Variants in TG observed in about 807,000 individuals in gnomAD.
The protein encoded by TG is thyroglobulin, also known as thyroid hormones.
TG carries 270 observed loss-of-function variants against 324.7 expected under a neutral mutation model. The ratio of observed to expected loss-of-function variants is 0.83; its 90% CI spans 0.75 to 0.92. TG has a LOEUF of 0.92. Among genes scored for constraint, TG ranks in the 40% least tolerant of loss-of-function variants. The pLI is 0.00. For missense variants in TG, 3,591 were observed against 3,456.4 expected (o/e 1.04, Z -0.98); for synonymous variants, 1,401 against 1,327.0 (o/e 1.06, Z -1.21).
intron 46 of TG, among the ~76,000 whole-genome samples, chr8:133,132,603 G>A (rs968530211): frequency 6.6e-6 from 1 of 152,144 alleles, no homozygotes; most frequent in African/African-American, 2.4e-5. Context: ...CCTGATGTGA[G>A]TTGATTACCT....
In TG at chr8:132,882,845, A is replaced by G; in HGVS notation, c.921A>G (p.Thr307=). ...CAAAATGTGAAGTGGAGCGGTTTAC[A>G]GCAACCAGCTTTGGTCACCCCTATG... is the stretch of plus-strand genomic sequence containing the variant. The part of the protein sequence containing the change: ...CPTKCEVERF[T]ATSFGHPYVP... The change falls in exon 8 of 48, where the codon ACA becomes ACG. Residue 307 remains threonine, a synonymous_variant. Transcript: ENST00000220616. 2 of 1,614,192 alleles carry G rather than the reference A, an allele frequency of 1.2e-6. No homozygotes were observed. Among genetic ancestry groups the G allele is most frequent in the Non-Finnish European group, 1.7e-6 (2 of 1,180,028 alleles).
In TG at chr8:132,951,356, C is replaced by T. The variant is rs549143597; in HGVS notation, c.5401+2413C>T. Among the ~76,000 whole-genome samples the T allele has an allele frequency of 1.4e-4, 22 of 152,166 alleles. No individual in the cohort carries two copies. In the South Asian group the frequency reaches 3.5e-3, roughly 24 times the overall value. The stretch of plus-strand genomic sequence containing the variant: ...ATGAAGCACAAATAGTTTCTTTTGG[C>T]GTCAATAAAATCAAATCGCTTATTT... On this transcript the variant is annotated intron_variant, in intron 27 of 47. Coordinates refer to ENST00000220616, the MANE Select transcript of TG (RefSeq NM_003235.5).
At chr8:133,127,504 T>C (rs1254111880) in intron 45 of TG, among the ~76,000 whole-genome samples, 1 of 152,178 alleles carries the variant, frequency 6.6e-6, no homozygotes, top group African/African-American at 2.4e-5. Context: ...AGTTCTAGTC[T>C]TTCTTCCCAC....
chr8:133,092,673 C>T (rs1466271074), intron 41 of TG, among the ~76,000 whole-genome samples: 1 of 152,182 alleles, frequency 6.6e-6, no homozygotes, highest in African/African-American at 2.4e-5. Context: ...CAGGGAGTGA[C>T]ACAGCTGGGG....
intron 41 of TG, among the ~76,000 whole-genome samples, chr8:133,042,423 C>T (rs984706414): frequency 2.6e-5 from 4 of 152,164 alleles, no homozygotes; most frequent in African/African-American, 7.2e-5. Context: ...ATGCCCCATG[C>T]ACTCTGTTCT....
Position 132,897,724 on chromosome 8 carries a change from C to T in TG, c.3077C>T (p.Pro1026Leu), listed in dbSNP as rs1817322382. 1 of 1,614,244 alleles carries T rather than the reference C, an allele frequency of 6.2e-7. No individual in the cohort carries two copies. Among genetic ancestry groups the T allele is most frequent in the East Asian group, 2.2e-5 (1 of 44,880 alleles). ...GCATCCGCCCTTCTGCGGTCGGGCC[C>T]CTACATGCCACAGTGTGATGCGTTT... Reference protein sequence around the residue: ...AGASALLRSGPYMPQCDAFGS... With the variant: ...AGASALLRSGLYMPQCDAFGS... Residue 1026 changes from proline to leucine, a missense_variant, in exon 12 of 48, where the codon CCC becomes CTC. Coordinates refer to ENST00000220616, the MANE Select transcript of TG (RefSeq NM_003235.5).
chr8:133,001,251 C>T lies in TG; in HGVS notation c.6263-10650C>T, dbSNP rs138768799. On this transcript the variant is annotated intron_variant, in intron 35 of 47. Coordinates refer to ENST00000220616, the MANE Select transcript of TG (RefSeq NM_003235.5). ...GGGGGACACAGTTCAACCCATGACACCTACTGTCACCCCTCTGCTAAGCAC... is the reference window on the plus strand; with the variant it reads ...GGGGGACACAGTTCAACCCATGACATCTACTGTCACCCCTCTGCTAAGCAC... Among the ~76,000 whole-genome samples, 764 of 152,284 alleles carry T rather than the reference C, an allele frequency of 5.0e-3. 8 individuals carry two copies. Among genetic ancestry groups the T allele is most frequent in the African/African-American group, 0.017 (707 of 41,548 alleles).
At chr8:132,932,652 G>A (rs906027219) in intron 23 of TG, among the ~76,000 whole-genome samples, 3 of 152,154 alleles carry the variant, frequency 2.0e-5, no homozygotes, top group Non-Finnish European at 4.4e-5. Context: ...CGTTACTCAT[G>A]AATATTACAC....
At position 132,929,134 on chromosome 8, in the gene TG, T is replaced by A; in HGVS notation, c.4758T>A (p.Pro1586=). Residue 1586 remains proline (P), a synonymous_variant, in exon 23 of 48, where the codon CCT becomes CCA. Coordinates refer to ENST00000220616, the MANE Select transcript of TG (RefSeq NM_003235.5). ...AGGTGATCTTCGACGCCAATGCTCC[T>A]GTGGCTGTCAGATCCAAAGTTCCTG... ...ESKVIFDANA[P]VAVRSKVPDS... 1 of 1,614,182 alleles carries A rather than the reference T, an allele frequency of 6.2e-7. No homozygotes were observed. Among genetic ancestry groups the A allele is most frequent in the South Asian group, 1.1e-5 (1 of 91,092 alleles).
intron 35 of TG, among the ~76,000 whole-genome samples, chr8:133,009,810 T>A (rs1045213463): frequency 1.3e-5 from 2 of 150,486 alleles, no homozygotes; most frequent in African/African-American, 4.9e-5. Context: ...AACCCAATCA[T>A]GTTGGCCCCC....
chr8:133,036,461 C>A (rs966493934), intron 41 of TG, among the ~76,000 whole-genome samples: 32 of 152,166 alleles, frequency 2.1e-4, no homozygotes, highest in African/African-American at 7.7e-4. Context: ...CTAGGCAGGA[C>A]GTTTTTATAA....
chr8:132,948,970 CT>C, intron 27 of TG, 27 bp downstream of exon 27: 1 of 1,608,194 alleles, frequency 6.2e-7, no homozygotes, highest in Non-Finnish European at 8.5e-7. Context: ...TGTCCATATT[CT>C]TTCAAAATTA....
At chr8:133,015,820 T>A (rs942398454) in intron 37 of TG, among the ~76,000 whole-genome samples, 1 of 152,246 alleles carries the variant, frequency 6.6e-6, no homozygotes, top group Non-Finnish European at 1.5e-5. Context: ...TGAGGCCAGA[T>A]TAAAAAACAG....
chr8:133,064,638 G>A (rs779905565), intron 41 of TG, among the ~76,000 whole-genome samples: 2 of 152,250 alleles, frequency 1.3e-5, no homozygotes, highest in Admixed American at 6.5e-5. Context: ...ATGGCATGGA[G>A]AGGTCACATA....
rs756916092 is a variant in TG, at chr8:132,873,176, A to G, written c.593A>G (p.Asn198Ser). 3.1e-6 allele frequency: 5 copies of G among 1,614,138 alleles called. No individual in the cohort carries two copies. The South Asian group carries it at 5.5e-5, about 18-fold the overall frequency. Residue 198 changes from asparagine (N) to serine (S), a missense_variant, in exon 5 of 48, where the codon AAC becomes AGC. Transcript: ENST00000220616. ...EFMPVQCKFV[N>S]TTDMMIFDLV... ...ATGCCTGTCCAGTGCAAATTTGTCA[A>G]CACCACAGACATGATGATTTTTGAT...
chr8:133,095,669 G>A (rs926500144), intron 42 of TG, among the ~76,000 whole-genome samples: 8 of 152,190 alleles, frequency 5.3e-5, no homozygotes, highest in African/African-American at 1.9e-4. Flanking sequence ...TCCCTTTATA[G>A]CATGCAAAGT....
chr8:132,868,094 G>T (rs1839139659), intron 1 of TG, 21 bp from the exon 2 acceptor site: 1 of 1,611,612 alleles, frequency 6.2e-7, no homozygotes, highest in African/African-American at 1.3e-5. Context: ...CTTCTTTGAT[G>T]AACCACTTTT....
intron 34 of TG, among the ~76,000 whole-genome samples, chr8:132,977,292 T>A (rs1313956028): frequency 6.6e-6 from 1 of 152,138 alleles, no homozygotes; most frequent in Non-Finnish European, 1.5e-5. Flanking sequence ...GATAGGATCC[T>A]CTCCTTCACC....
chr8:133,089,958 C>T, intron 41 of TG: 1 of 152,126 alleles, frequency 6.6e-6, no homozygotes, highest in East Asian at 1.9e-4. Context: ...CCCTGAATTC[C>T]CAAAGTGCAA....
Sources: gnomAD v4.1 joint callset for allele counts (sites outside exome capture counted in the v4.1 genomes callset) on GRCh38, gnomAD v4.1.1 for gene constraint, MANE v1.5 for transcripts, NCBI Gene and HGNC (gene_info 2026-07-23, HGNC 2026-07-21) for gene names.